The following PDE7B variants were observed in gnomAD, a reference collection of about 807,000 sequenced individuals.
PDE7B encodes 3',5'-cyclic-AMP phosphodiesterase 7B.
In PDE7B, 29 loss-of-function variants were observed where a neutral mutation model predicts 56.2. The observed-to-expected ratio is 0.52, with a 90% confidence interval of 0.38 to 0.70. The LOEUF (loss-of-function observed/expected upper bound fraction) is 0.70. PDE7B is among the 30% of genes least tolerant of loss of function. The pLI, the probability that PDE7B is intolerant of heterozygous loss-of-function variation, is 0.00. For synonymous variants in PDE7B, 197 were observed against 196.9 expected (o/e 1.00, Z 0.00); for missense variants, 490 against 565.0 (o/e 0.87, Z 1.35).
intron 2 of PDE7B, chr6:136,098,209 G>C (rs1777504001): frequency 6.7e-6 from 1 of 149,582 alleles, no homozygotes; most frequent in Non-Finnish European, 1.5e-5. Flanking sequence ...GAAGGAGAGA[G>C]AGGAAGAAGG....
intron 2 of PDE7B, chr6:136,044,944 A>G (rs1382024041): frequency 5.9e-5 from 9 of 152,276 alleles, no homozygotes; most frequent in African/African-American, 2.2e-4. Flanking sequence ...CTTTAAAAAA[A>G]AAAATTAAAC....
intron 3 of PDE7B, chr6:136,112,548 A>G (rs1777766475): frequency 6.6e-6 from 1 of 152,140 alleles, no homozygotes; most frequent in African/African-American, 2.4e-5. Context: ...TTTTTTAAAC[A>G]GATTTAAGAG....
chr6:136,038,256 C>T lies in PDE7B; in HGVS notation c.83-70475C>T, dbSNP rs1562476559. ...AGCAGCAGCAGCAGCAGCACCACCA[C>T]CACCACTACCTCCTCTTCTGGGGCA... is the stretch of plus-strand genomic sequence containing the variant. On this transcript the variant is annotated intron_variant, in intron 2 of 12. Transcript: ENST00000308191. 4 of 1,299,744 alleles carry T rather than the reference C, an allele frequency of 3.1e-6. No individual in the cohort carries two copies. The South Asian group carries it at 4.9e-5, about 16-fold the overall frequency. The allele number at this position is 1,299,744 out of a possible 1,614,324, so 80.5% of individuals were successfully genotyped here. A position where few individuals can be genotyped will look rare whatever the true frequency, so the allele number is the denominator to read the frequency against.
At chr6:135,918,435 A>G (rs1045022319) in intron 1 of PDE7B, among the ~76,000 whole-genome samples, 1 of 151,892 alleles carries the variant, frequency 6.6e-6, no homozygotes, top group African/African-American at 2.4e-5. Context: ...TTATGAATCT[A>G]AAAAAAATAA....
At position 135,953,067 on chromosome 6, in the gene PDE7B, A is replaced by T. The variant is rs190929177; in HGVS notation, c.82+5543A>T. Among the ~76,000 whole-genome samples, 424 of 152,210 alleles carry T rather than the reference A, an allele frequency of 2.8e-3. 2 individuals carry two copies. Among genetic ancestry groups the T allele is most frequent in the African/African-American group, 9.5e-3 (394 of 41,544 alleles). On this transcript the variant is annotated intron_variant, in intron 2 of 12. Transcript: ENST00000308191. ...CCTGAATTCTGGTTTGATTTTTTTT[A>T]AAAACATGTTAATTCTATTTTTCCT...
chr6:135,994,867 T>C (rs984831675), intron 2 of PDE7B, among the ~76,000 whole-genome samples: 3 of 152,328 alleles, frequency 2.0e-5, no homozygotes, highest in Non-Finnish European at 4.4e-5. Flanking sequence ...AAATGTGGCA[T>C]AGAAACAGTG....
rs567043892 is a variant in PDE7B, at chr6:135,971,667, G to A, written c.82+24143G>A. ...TTGGACTAGAATTCAAAAGACATTG[G>A]TATGAGTTCTAACTCTGCCACTTAC... On this transcript the variant is annotated intron_variant, in intron 2 of 12. Coordinates refer to ENST00000308191, the MANE Select transcript of PDE7B (RefSeq NM_018945.4). 2.0e-5 allele frequency among the ~76,000 whole-genome samples: 3 copies of A among 152,262 alleles called. No homozygotes were observed. The South Asian group carries it at 6.2e-4, about 32-fold the overall frequency.
intron 2 of PDE7B, chr6:136,072,959 T>G (rs1777073505): frequency 6.6e-6 from 1 of 152,170 alleles, no homozygotes; most frequent in Non-Finnish European, 1.5e-5. Flanking sequence ...TATATCCTGG[T>G]AGGAACAGCT....
In PDE7B at chr6:136,074,939, T is replaced by G. The variant is rs79050067; in HGVS notation, c.83-33792T>G. 2.3e-3 allele frequency among the ~76,000 whole-genome samples: 347 copies of G among 152,324 alleles called. 3 individuals are homozygous for G. Among genetic ancestry groups the G allele is most frequent in the African/African-American group, 7.6e-3 (316 of 41,564 alleles). ...ACTGATTTCTTTTCTTCTGAATATA[T>G]ACCTAGAAGTGAAATTTCTGCATCA... On this transcript the variant is annotated intron_variant, in intron 2 of 12. Transcript: ENST00000308191.
intron 8 of PDE7B, among the ~76,000 whole-genome samples, chr6:136,164,335 C>T (rs1446506876): frequency 1.3e-5 from 2 of 152,114 alleles, no homozygotes; most frequent in East Asian, 3.9e-4. Flanking sequence ...GGGACCACCA[C>T]CATGATTCAA....
intron 1 of PDE7B, among the ~76,000 whole-genome samples, chr6:135,927,032 A>G (rs776344661): frequency 2.0e-5 from 3 of 152,244 alleles, no homozygotes; most frequent in African/African-American, 4.8e-5. Flanking sequence ...CAGCCTATTC[A>G]TCTAACATAC....
intron 1 of PDE7B, among the ~76,000 whole-genome samples, chr6:135,918,542 G>A: frequency 6.6e-6 from 1 of 152,122 alleles, no homozygotes; most frequent in Non-Finnish European, 1.5e-5. Context: ...ACTAGAATAT[G>A]TGCAGCTATG....
intron 2 of PDE7B, among the ~76,000 whole-genome samples, chr6:135,982,320 C>T (rs1022300415): frequency 8.5e-5 from 13 of 152,164 alleles, no homozygotes; most frequent in African/African-American, 3.1e-4. Flanking sequence ...GTTTCTGCTT[C>T]TCTGAACATC....
At chr6:136,074,966 A>G (rs766570933) in intron 2 of PDE7B, among the ~76,000 whole-genome samples, 7 of 152,322 alleles carry the variant, frequency 4.6e-5, no homozygotes, top group South Asian at 2.1e-4. Context: ...TCTGCATCAT[A>G]TGGTACAAAA....
intron 3 of PDE7B, among the ~76,000 whole-genome samples, chr6:136,133,921 A>G (rs1033943279): frequency 1.3e-5 from 2 of 152,186 alleles, no homozygotes; most frequent in Admixed American, 6.5e-5. Context: ...TGGCATAAAA[A>G]CAGCAAAAGC....
At chr6:135,903,245 A>G (rs943864544) in intron 1 of PDE7B, among the ~76,000 whole-genome samples, 22 of 152,164 alleles carry the variant, frequency 1.4e-4, no homozygotes, top group African/African-American at 5.1e-4. Context: ...GTCTTTGCAA[A>G]AACTGTATAA....
intron 1 of PDE7B, among the ~76,000 whole-genome samples, chr6:135,908,718 A>ACC (rs950565875): frequency 6.6e-6 from 1 of 152,242 alleles, no homozygotes; most frequent in Non-Finnish European, 1.5e-5. Context: ...AGAAGGAAGC[A>ACC]CAAGTATCCA....
intron 2 of PDE7B, among the ~76,000 whole-genome samples, chr6:136,000,423 T>C (rs912993569): frequency 6.6e-6 from 1 of 152,200 alleles, no homozygotes; most frequent in African/African-American, 2.4e-5. Flanking sequence ...AGTTGATTTT[T>C]GTATATAGCA....
chr6:136,062,287 T>C (rs1407589212), intron 2 of PDE7B, among the ~76,000 whole-genome samples: 3 of 152,220 alleles, frequency 2.0e-5, no homozygotes, highest in Non-Finnish European at 4.4e-5. Context: ...AATATATGTA[T>C]ACATTATGAA....
Sources: allele counts gnomAD v4.1 joint callset (sites outside exome capture counted in the v4.1 genomes callset), GRCh38; gene constraint gnomAD v4.1.1; transcripts MANE v1.5; gene names NCBI Gene and HGNC (gene_info 2026-07-23, HGNC 2026-07-21).